Variants in TTLL4 observed in about 807,000 individuals in gnomAD.
TTLL4 encodes tubulin tyrosine ligase like 4.
In TTLL4, 85 loss-of-function variants were observed where a neutral mutation model predicts 122.7. That is an observed-to-expected ratio of 0.69 (90% CI 0.58 to 0.83). The LOEUF is 0.83. Ranked by LOEUF, TTLL4 falls within the 40% of genes least tolerant of loss-of-function variation. The probability of loss-of-function intolerance (pLI) is 0.00; values close to 1 mark genes in which losing one functional copy is unlikely to be tolerated. For missense variants in TTLL4, 1,363 were observed against 1,488.6 expected (o/e 0.92, Z 1.39); for synonymous variants, 553 against 563.0 (o/e 0.98, Z 0.25).
intron 5 of TTLL4, among the ~76,000 whole-genome samples, chr2:218,743,280 G>C (rs187715306): frequency 6.6e-6 from 1 of 152,318 alleles, no homozygotes; most frequent in East Asian, 1.9e-4. Context: ...ATGTTACACA[G>C]ATAGAATCAC....
Position 218,738,754 on chromosome 2 carries a change from C to T in TTLL4, c.1078C>T (p.Gln360Ter), listed in dbSNP as rs199794146. 5 of 1,614,130 alleles carry T rather than the reference C, an allele frequency of 3.1e-6. No homozygotes were observed. In the East Asian group the frequency reaches 6.7e-5, roughly 22 times the overall value. Residue 360 changes from glutamine to a stop codon, truncating the protein, a stop_gained, in exon 3 of 20, where the codon CAG becomes TAG. Transcript: ENST00000392102. LOFTEE classifies it high-confidence loss of function. The part of the protein sequence containing the change: ...KMPRQGCQLE[Q>*]SSFLNPSFQW... ...GCCGAGGCAAGGCTGCCAGCTTGAACAGTCTAGTTTCCTGAACCCCAGCTT... is the reference window on the plus strand; with the variant it reads ...GCCGAGGCAAGGCTGCCAGCTTGAATAGTCTAGTTTCCTGAACCCCAGCTT...
In TTLL4 at chr2:218,754,458, G is replaced by A; in HGVS notation, c.*69G>A. 6.9e-6 allele frequency: 11 copies of A among 1,590,814 alleles called. No individual in the cohort carries two copies. The South Asian group carries it at 9.1e-5, about 13-fold the overall frequency. On this transcript the variant is annotated 3_prime_UTR_variant, in exon 20 of 20. Coordinates refer to ENST00000392102, the MANE Select transcript of TTLL4 (RefSeq NM_014640.5). ...GCTACCTCACGGGAACCAGCCTGCT[G>A]TTCAGACCAGTCTGACCCCCTACCC...
rs1271428389 is a variant in TTLL4, at chr2:218,735,974, T to TTTTC, written c.-98-1602_-98-1601insCTTT. On this transcript the variant is annotated intron_variant, in intron 2 of 19. Coordinates refer to ENST00000392102, the MANE Select transcript of TTLL4 (RefSeq NM_014640.5). ...GTAGCCACCGTGCCCAGCCTTTTTT[T>TTTTC]TTTTTTTTTTTTTTTTGTGAGACAG... 1.4e-3 allele frequency among the ~76,000 whole-genome samples: 202 copies of TTTTC among 139,474 alleles called. 1 individual carries two copies. The highest frequency in any genetic ancestry group is 5.4e-3 in the African/African-American group (197 of 36,450). The allele number at this position is 139,474 out of a possible 152,430, so 91.5% of individuals were successfully genotyped here. A position where few individuals can be genotyped will look rare whatever the true frequency, so the allele number is the denominator to read the frequency against.
intron 1 of TTLL4, among the ~76,000 whole-genome samples, chr2:218,712,977 A>C (rs538010962): frequency 1.3e-5 from 2 of 152,346 alleles, no homozygotes; most frequent in African/African-American, 4.8e-5. Flanking sequence ...TGTAACGGGA[A>C]TGTCTTTTGG....
intron 1 of TTLL4, among the ~76,000 whole-genome samples, chr2:218,718,679 G>A (rs1941941888): frequency 6.6e-6 from 1 of 152,176 alleles, no homozygotes; most frequent in African/African-American, 2.4e-5. Context: ...CGCCCGGCCA[G>A]CAATAGATTT....
At chr2:218,724,344 A>T (rs535722225) in intron 1 of TTLL4, among the ~76,000 whole-genome samples, 1 of 152,318 alleles carries the variant, frequency 6.6e-6, no homozygotes, top group East Asian at 1.9e-4. Context: ...TTGAAATTAT[A>T]CTGGTAGAAA....
At chr2:218,714,657 TGCTCAGA>T (rs1941807000) in intron 1 of TTLL4, among the ~76,000 whole-genome samples, 1 of 152,100 alleles carries the variant, frequency 6.6e-6, no homozygotes, top group Non-Finnish European at 1.5e-5. Context: ...AGACCGGCAG[TGCTCAGA>T]GCTCAGAGTT....
At chr2:218,746,024 T>C (rs1942833202) in intron 7 of TTLL4, 131 bp from the exon 8 acceptor site, 3 of 1,088,712 alleles carry the variant, frequency 2.8e-6, no homozygotes, top group Middle Eastern at 2.8e-4. Flanking sequence ...CAGGGCCTCA[T>C]GTAGGACAGC....
At chr2:218,743,532 A>G (rs1017028828) in intron 5 of TTLL4, among the ~76,000 whole-genome samples, 13 of 152,152 alleles carry the variant, frequency 8.5e-5, no homozygotes, top group African/African-American at 3.1e-4. Flanking sequence ...TTTTCTGTCA[A>G]TGGAAGTCTT....
At chr2:218,727,614 T>G (rs1333723960) in intron 2 of TTLL4, among the ~76,000 whole-genome samples, 4 of 152,122 alleles carry the variant, frequency 2.6e-5, no homozygotes, top group Non-Finnish European at 5.9e-5. Context: ...CGGGCGCCTG[T>G]AGTCCCAGCT....
In TTLL4 at chr2:218,747,073, A is replaced by C; in HGVS notation, c.2045A>C (p.Gln682Pro). Residue 682 changes from glutamine to proline, a missense_variant, in exon 9 of 20, where the codon CAG becomes CCG. Physicochemically the swap from Gln to Pro is moderately conservative, Grantham distance 76 (BLOSUM62 -1). Around this residue, in one of 3 missense-constraint regions of TTLL4, gnomAD observed 596 missense variants for 655.8 expected, o/e 0.91. Transcript: ENST00000392102. This position sits in a 1 kb window ranked among gnomAD's most constrained non-coding sequence, Gnocchi z 4.7. Reference protein sequence around the residue: ...DRLWRNLSRMQSRFGKKEFSF... With the variant: ...DRLWRNLSRMPSRFGKKEFSF... Reference sequence around the variant, plus strand: ...CTATGGCGGAACCTGTCACGTATGCAGAGCCGCTTTGGCAAGAAGGAGTTC... The same window carrying C: ...CTATGGCGGAACCTGTCACGTATGCCGAGCCGCTTTGGCAAGAAGGAGTTC... 1 of 1,614,212 alleles carries C rather than the reference A, an allele frequency of 6.2e-7. No individual in the cohort carries two copies. The highest frequency in any genetic ancestry group is 8.5e-7 in the Non-Finnish European group (1 of 1,180,028).
chr2:218,718,722 T>A (rs1405208557), intron 1 of TTLL4, among the ~76,000 whole-genome samples: 2 of 152,158 alleles, frequency 1.3e-5, no homozygotes, highest in Admixed American at 1.3e-4. Context: ...TCACACTCCT[T>A]TAAGGAGGAA....
rs1942618924 is a variant in TTLL4 at position 218,738,893 on chromosome 2, C to A, written c.1217C>A (p.Thr406Asn). Residue 406 changes from threonine to asparagine, a missense_variant, in exon 3 of 20, where the codon ACC (threonine) becomes AAC (asparagine). By Grantham distance (65) the Thr-to-Asn change is moderately conservative. Coordinates refer to ENST00000392102, the MANE Select transcript of TTLL4 (RefSeq NM_014640.5). ...CGGGTCCTCCCTGGTGCCTCAGATA[C>A]CTTGGGGTTGGACAATACAGTCTTC... ...VRRVLPGASD[T>N]LGLDNTVFCT... 6.2e-7 allele frequency: 1 copy of A among 1,614,082 alleles called. No homozygotes were observed. The highest frequency in any genetic ancestry group is 8.5e-7 in the Non-Finnish European group (1 of 1,180,054).
At chr2:218,734,205 C>T (rs1942454763) in intron 2 of TTLL4, among the ~76,000 whole-genome samples, 1 of 152,180 alleles carries the variant, frequency 6.6e-6, no homozygotes, top group Admixed American at 6.5e-5. Flanking sequence ...CATCAGTAAA[C>T]TGAATGTAAG....
Position 218,754,375 on chromosome 2 carries a change from G to C in TTLL4, c.3586G>C (p.Ala1196Pro), listed in dbSNP as rs1943108838. 5 of 1,613,998 alleles carry C rather than the reference G, an allele frequency of 3.1e-6. No individual in the cohort carries two copies. Among genetic ancestry groups the C allele is most frequent in the Non-Finnish European group, 4.2e-6 (5 of 1,180,042 alleles). Reference sequence around the variant, plus strand: ...CCAGTCAATCAGTGACTCCCTCCTGGCTGTGAGCCCATAACTGGCCTCTCT... The same window carrying C: ...CCAGTCAATCAGTGACTCCCTCCTGCCTGTGAGCCCATAACTGGCCTCTCT... The part of the protein sequence containing the change: ...TFQSISDSLL[A>P]VSP Residue 1196 changes from alanine to proline, a missense_variant, in exon 20 of 20, where the codon GCT (alanine) becomes CCT (proline). Ala to Pro is a conservative substitution (Grantham distance 27, BLOSUM62 -1). This residue lies in a region of TTLL4 where 596 missense variants were observed against 655.8 expected (regional missense o/e 0.91). Coordinates refer to ENST00000392102, the MANE Select transcript of TTLL4 (RefSeq NM_014640.5).
chr2:218,749,937 C>G (rs1011475451), intron 14 of TTLL4, 72 bp from the exon 15 acceptor site: 3 of 1,568,360 alleles, frequency 1.9e-6, no homozygotes, highest in Non-Finnish European at 2.6e-6. Flanking sequence ...GAGACTAGCC[C>G]TGAGTTGCAC....
At chr2:218,742,886 G>T (rs1942740062) in intron 5 of TTLL4, among the ~76,000 whole-genome samples, 1 of 152,178 alleles carries the variant, frequency 6.6e-6, no homozygotes, top group Admixed American at 6.5e-5. Context: ...ACTTTGGGAG[G>T]CTGAGGCAGG....
At chr2:218,745,042 G>T (rs992072814) in intron 5 of TTLL4, 67 bp from the exon 6 acceptor site, 2 of 1,582,756 alleles carry the variant, frequency 1.3e-6, no homozygotes, top group East Asian at 2.3e-5. Context: ...ATCGTACGTC[G>T]TAGTAACGAC....
chr2:218,755,172 T>G lies in TTLL4; in HGVS notation c.*783T>G, dbSNP rs1038270308. ...ATAATCCCAGTAGCTGTTACCTGTC[T>G]CCATGTATCAAAGGACACAGTCCAG... On this transcript the variant is annotated 3_prime_UTR_variant, in exon 20 of 20. Coordinates refer to ENST00000392102, the MANE Select transcript of TTLL4 (RefSeq NM_014640.5). 2 of 152,294 alleles carry G rather than the reference T, an allele frequency of 1.3e-5. No individual in the cohort carries two copies. Among genetic ancestry groups the G allele is most frequent in the Non-Finnish European group, 2.9e-5 (2 of 68,132 alleles). The allele number at this position is 152,294 out of a possible 1,614,324, so 9.4% of individuals were successfully genotyped here.
Sources: allele counts gnomAD v4.1 joint callset (sites outside exome capture counted in the v4.1 genomes callset), GRCh38; gene constraint gnomAD v4.1.1; regional missense constraint gnomAD v4.1.1; non-coding constraint Gnocchi (gnomAD v3.1); transcripts MANE v1.5; gene names NCBI Gene and HGNC (gene_info 2026-07-23, HGNC 2026-07-21).